The following UNC5C variants were observed in gnomAD, a reference collection of about 807,000 sequenced individuals.
UNC5C encodes the protein netrin receptor UNC5C.
UNC5C carries 47 observed loss-of-function variants against 99.8 expected under a neutral mutation model. The observed-to-expected ratio is 0.47, with a 90% CI of 0.37 to 0.60. The LOEUF (loss-of-function observed/expected upper bound fraction) is 0.60. Among genes scored for constraint, UNC5C ranks in the 20% least tolerant of loss-of-function variants. The pLI is 0.00. For synonymous variants in UNC5C, 487 were observed against 452.2 expected (o/e 1.08, Z -0.98); for missense variants, 1,062 against 1,165.9 (o/e 0.91, Z 1.30).
intron 1 of UNC5C, among the ~76,000 whole-genome samples, chr4:95,543,505 AT>A (rs1722969615): frequency 6.6e-6 from 1 of 152,144 alleles, no homozygotes; most frequent in African/African-American, 2.4e-5. Flanking sequence ...GTTCTGGTGA[AT>A]TTTCTTTGCC....
At chr4:95,216,949 G>A (rs2149366772) in intron 9 of UNC5C, among the ~76,000 whole-genome samples, 1 of 152,318 alleles carries the variant, frequency 6.6e-6, no homozygotes, top group Non-Finnish European at 1.5e-5. Flanking sequence ...AGATTTTTTA[G>A]TTCAACCAGT....
At chr4:95,258,865 C>G (rs1179063962) in intron 4 of UNC5C, among the ~76,000 whole-genome samples, 4 of 148,234 alleles carry the variant, frequency 2.7e-5, no homozygotes, top group Non-Finnish European at 6.0e-5. Flanking sequence ...GGGTTCACGC[C>G]ATTCTCCTGC....
intron 14 of UNC5C, among the ~76,000 whole-genome samples, chr4:95,174,468 A>C (rs1262380516): frequency 6.6e-6 from 1 of 152,132 alleles, no homozygotes; most frequent in Admixed American, 6.5e-5. Context: ...GTTTCAAAGA[A>C]CATCTTTATT....
chr4:95,297,685 G>A, intron 3 of UNC5C, among the ~76,000 whole-genome samples: 1 of 152,304 alleles, frequency 6.6e-6, no homozygotes, highest in South Asian at 2.1e-4. Flanking sequence ...AAAGACATTT[G>A]AAAGAAATCC....
At chr4:95,257,530 G>C (rs150609903) in intron 4 of UNC5C, among the ~76,000 whole-genome samples, 2 of 152,186 alleles carry the variant, frequency 1.3e-5, no homozygotes, top group Non-Finnish European at 2.9e-5. Context: ...ATGTGGAAAG[G>C]GGGGTGCAAG....
chr4:95,449,671 T>A (rs1392090420), intron 1 of UNC5C, among the ~76,000 whole-genome samples: 1 of 152,196 alleles, frequency 6.6e-6, no homozygotes, highest in Non-Finnish European at 1.5e-5. Flanking sequence ...GAATGTGAAA[T>A]TCTGCAACGT....
At chr4:95,182,714 A>AT (rs941925441) in intron 14 of UNC5C, among the ~76,000 whole-genome samples, 183 bp downstream of exon 14, 29 of 151,914 alleles carry the variant, frequency 1.9e-4, no homozygotes, top group East Asian at 7.7e-4. Flanking sequence ...ATATATATAT[A>AT]TTTTTTTCTG....
At chr4:95,336,443 T>C (rs1743341011) in intron 1 of UNC5C, among the ~76,000 whole-genome samples, 1 of 151,912 alleles carries the variant, frequency 6.6e-6, no homozygotes, top group Admixed American at 6.6e-5. Flanking sequence ...AACTCTGATG[T>C]CAAAATTAAA....
chr4:95,184,370 T>A (rs1224639474), intron 13 of UNC5C, among the ~76,000 whole-genome samples: 2 of 152,234 alleles, frequency 1.3e-5, no homozygotes, highest in Non-Finnish European at 2.9e-5. Flanking sequence ...GGGTTGAATT[T>A]GCATAAATAT....
chr4:95,312,926 T>A (rs1052813255), intron 2 of UNC5C, among the ~76,000 whole-genome samples: 1 of 152,200 alleles, frequency 6.6e-6, no homozygotes, highest in Non-Finnish European at 1.5e-5. Flanking sequence ...CAGTATGGTT[T>A]TGTTTAGCAT....
At chr4:95,516,010 G>A (rs1722208937) in intron 1 of UNC5C, among the ~76,000 whole-genome samples, 2 of 152,138 alleles carry the variant, frequency 1.3e-5, no homozygotes, top group South Asian at 2.1e-4. Context: ...TAAAAACGTT[G>A]AAGTGAACTG....
chr4:95,476,244 A>G (rs1200894835), intron 1 of UNC5C, among the ~76,000 whole-genome samples: 1 of 151,924 alleles, frequency 6.6e-6, no homozygotes, highest in East Asian at 1.9e-4. Context: ...GTGGTTAGTC[A>G]TGCTCTCTCT....
chr4:95,234,312 TAA>T (rs1445863831), intron 7 of UNC5C, among the ~76,000 whole-genome samples: 7 of 152,192 alleles, frequency 4.6e-5, no homozygotes, highest in Admixed American at 4.6e-4. Context: ...TTATTAATGT[TAA>T]GTTTTTTTAG....
chr4:95,248,228 G>T, intron 5 of UNC5C: 1 of 236,596 alleles, frequency 4.2e-6, no homozygotes, highest in Non-Finnish European at 8.4e-6. Flanking sequence ...TTTTTGGCTG[G>T]GCCTAAGAAT....
At chr4:95,261,989 A>G (rs1177078026) in intron 4 of UNC5C, among the ~76,000 whole-genome samples, 2 of 152,208 alleles carry the variant, frequency 1.3e-5, no homozygotes, top group African/African-American at 4.8e-5. Flanking sequence ...GGCATTAGCC[A>G]CTGCGCCCAG....
At chr4:95,424,814 C>T (rs951475778) in intron 1 of UNC5C, among the ~76,000 whole-genome samples, 2 of 151,912 alleles carry the variant, frequency 1.3e-5, no homozygotes, top group Admixed American at 6.6e-5. Flanking sequence ...TGAGCCACCG[C>T]ACCCGCCCCA....
chr4:95,393,440 A>G (rs1327869576), intron 1 of UNC5C, among the ~76,000 whole-genome samples: 1 of 152,146 alleles, frequency 6.6e-6, no homozygotes, highest in Admixed American at 6.5e-5. Context: ...GATGATTATG[A>G]CACACATACT....
At chr4:95,397,677 G>T (rs745969662) in intron 1 of UNC5C, among the ~76,000 whole-genome samples, 17 of 152,106 alleles carry the variant, frequency 1.1e-4, no homozygotes, top group Non-Finnish European at 2.4e-4. Context: ...GGACATGAAC[G>T]TACATGATGT....
At chr4:95,335,147 A>G (rs542049855) in intron 2 of UNC5C, among the ~76,000 whole-genome samples, 2 of 152,114 alleles carry the variant, frequency 1.3e-5, no homozygotes, top group African/African-American at 4.8e-5. Flanking sequence ...CAGTCTATTC[A>G]TTCGCATTAT....
Sources: allele counts gnomAD v4.1 joint callset (sites outside exome capture counted in the v4.1 genomes callset), GRCh38; gene constraint gnomAD v4.1.1; transcripts MANE v1.5; gene names NCBI Gene and HGNC (gene_info 2026-07-23, HGNC 2026-07-21).